The following RAB8A variants were observed in gnomAD, a reference collection of about 807,000 sequenced individuals.
RAB8A encodes the protein ras-related protein Rab-8A.
In RAB8A, 5 loss-of-function variants were observed where a neutral mutation model predicts 29.2. That is an observed-to-expected ratio of 0.17 (90% CI 0.09 to 0.36). RAB8A has a LOEUF of 0.36. Ranked by LOEUF, RAB8A falls within the 10% of genes least tolerant of loss-of-function variation. RAB8A has a pLI of 1.00. For missense variants in RAB8A, 171 were observed against 272.2 expected, an observed-to-expected ratio of 0.63 and a Z score of 2.62; for synonymous variants, 108 against 99.9, an observed-to-expected ratio of 1.08 and a Z score of -0.49.
rs974943868 is a variant in RAB8A at position 16,122,888 on chromosome 19, G to A, written c.246+1078G>A. 6.6e-5 allele frequency among the ~76,000 whole-genome samples: 10 copies of A among 152,162 alleles called. No homozygotes were observed. The highest frequency in any genetic ancestry group is 2.2e-4 in the African/African-American group (9 of 41,430). ...GTGGAGGGTGGGCAGGCGGCCTGAG[G>A]GCACTGGGGTCTTGGGGAGCTTCAG... On this transcript the variant is annotated intron_variant, in intron 3 of 7. Coordinates refer to ENST00000300935, the MANE Select transcript of RAB8A (RefSeq NM_005370.5). This position sits in a 1 kb window ranked among gnomAD's most constrained non-coding sequence, Gnocchi z 4.7.
In RAB8A at chr19:16,128,064, C is replaced by T. The variant is rs1466087687; in HGVS notation, c.453C>T (p.Ser151=). Residue 151 remains serine, a synonymous_variant, in exon 6 of 8, where the codon AGC becomes AGT. Coordinates refer to ENST00000300935, the MANE Select transcript of RAB8A (RefSeq NM_005370.5). The part of the protein sequence containing the change: ...LDYGIKFMET[S]AKANINVENA... ...ATGGAATCAAGTTCATGGAGACCAGCGCGAAGGCCAACATCAATGTGGAAA... is the reference window on the plus strand; with the variant it reads ...ATGGAATCAAGTTCATGGAGACCAGTGCGAAGGCCAACATCAATGTGGAAA... 1.1e-5 allele frequency: 17 copies of T among 1,614,148 alleles called. No individual in the cohort carries two copies. Among genetic ancestry groups the T allele is most frequent in the Admixed American group, 3.3e-5 (2 of 60,016 alleles).
intron 7 of RAB8A, among the ~76,000 whole-genome samples, chr19:16,130,293 C>T (rs1411911104): frequency 6.6e-6 from 1 of 152,134 alleles, no homozygotes; most frequent in East Asian, 1.9e-4. Context: ...CCTCCCTCGC[C>T]CTGGTTCCAG....
chr19:16,129,423 A>G (rs2090915709), intron 6 of RAB8A, 131 bp from the exon 7 acceptor site: 2 of 812,746 alleles, frequency 2.5e-6, no homozygotes, highest in African/African-American at 3.4e-5. Context: ...ACCCACTGCC[A>G]GAGGCGGGCA....
chr19:16,113,385 C>T (rs2090832545), intron 1 of RAB8A, among the ~76,000 whole-genome samples: 1 of 149,654 alleles, frequency 6.7e-6, no homozygotes, highest in South Asian at 2.2e-4. Context: ...CCTCCAGGAG[C>T]TATGCTTTAT....
At chr19:16,112,105 A>G in intron 1 of RAB8A, 80 bp downstream of exon 1, 1 of 1,555,328 alleles carries the variant, frequency 6.4e-7, no homozygotes, top group Non-Finnish European at 8.7e-7. Flanking sequence ...TGAGGGATCT[A>G]CAGGGCTGGA....
chr19:16,118,489 G>A (rs1193498654), intron 2 of RAB8A, among the ~76,000 whole-genome samples: 3 of 152,112 alleles, frequency 2.0e-5, no homozygotes, highest in African/African-American at 7.2e-5. Flanking sequence ...AGGGCACCAG[G>A]GCCTACAGCA....
chr19:16,132,244 A>G lies in RAB8A; in HGVS notation c.564A>G (p.Gly188=). ...EGNSPQGSNQ[G]VKITPDQQKR... is the part of the protein sequence containing the mutation. ...ACAGCCCCCAGGGGAGCAACCAGGG[A>G]GTCAAAATCACACCGGACCAGCAGA... Residue 188 remains glycine (G), a synonymous_variant, in exon 8 of 8, where the codon GGA becomes GGG. Coordinates refer to ENST00000300935, the MANE Select transcript of RAB8A (RefSeq NM_005370.5). The surrounding 1 kb of genome is among the most constrained non-coding windows in gnomAD (Gnocchi z 5.6). 1 of 1,614,126 alleles carries G rather than the reference A, an allele frequency of 6.2e-7. No individual in the cohort carries two copies. Among genetic ancestry groups the G allele is most frequent in the Non-Finnish European group, 8.5e-7 (1 of 1,180,030 alleles).
In RAB8A at chr19:16,126,876, G is replaced by T. The variant is rs2090904158; in HGVS notation, c.325-561G>T. 2.0e-5 allele frequency: 3 copies of T among 152,308 alleles called. No homozygotes were observed. The South Asian group carries it at 6.2e-4, about 32-fold the overall frequency. The allele number at this position is 152,308 out of a possible 1,614,324, so 9.4% of individuals were successfully genotyped here. ...TAGCCTGGTATGGTGGCAGATGCCTGTAATCTCAGCTATTCGGGAGGTTGA... is the reference window on the plus strand; with the variant it reads ...TAGCCTGGTATGGTGGCAGATGCCTTTAATCTCAGCTATTCGGGAGGTTGA... On this transcript the variant is annotated intron_variant, in intron 4 of 7. Coordinates refer to ENST00000300935, the MANE Select transcript of RAB8A (RefSeq NM_005370.5).
intron 1 of RAB8A, among the ~76,000 whole-genome samples, chr19:16,114,503 A>C (rs2090838127): frequency 6.7e-6 from 1 of 150,112 alleles, no homozygotes; most frequent in African/African-American, 2.5e-5. Context: ...CAGCCTCCCA[A>C]GTAGCTGGGA....
rs2090893740 is a variant in RAB8A at position 16,125,187 on chromosome 19, C to T, written c.247-283C>T. The stretch of plus-strand genomic sequence containing the variant: ...CATGAGGGGAGCCAGCCGGGCTTGT[C>T]AGCGAGTGCGTGGCAGGGGCTGGCC... On this transcript the variant is annotated intron_variant, in intron 3 of 7. Coordinates refer to ENST00000300935, the MANE Select transcript of RAB8A (RefSeq NM_005370.5). The surrounding 1 kb of genome is among the most constrained non-coding windows in gnomAD (Gnocchi z 5.0). 1 of 519,748 alleles carries T rather than the reference C, an allele frequency of 1.9e-6. No individual in the cohort carries two copies. Among genetic ancestry groups the T allele is most frequent in the Admixed American group, 3.2e-5 (1 of 31,522 alleles). The allele number at this position is 519,748 out of a possible 1,614,324, so 32.2% of individuals were successfully genotyped here. A position where few individuals can be genotyped will look rare whatever the true frequency, so the allele number is the denominator to read the frequency against.
Position 16,128,388 on chromosome 19 carries a change from C to A in RAB8A, c.480+297C>A, listed in dbSNP as rs549730827. Among the ~76,000 whole-genome samples, 241 of 152,288 alleles carry A rather than the reference C, an allele frequency of 1.6e-3. 1 individual carries two copies. The highest frequency in any genetic ancestry group is 4.7e-3 in the African/African-American group (197 of 41,566). On this transcript the variant is annotated intron_variant, in intron 6 of 7. Coordinates refer to ENST00000300935, the MANE Select transcript of RAB8A (RefSeq NM_005370.5). ...GGTTTTACAGGTGAGGAAACTAAGG[C>A]TCAGAAAGACCCAGCTCTGTGTTTA...
rs1480186949 is a variant in RAB8A, at chr19:16,125,753, C to G, written c.324+206C>G. 3 of 679,880 alleles carry G rather than the reference C, an allele frequency of 4.4e-6. No individual in the cohort carries two copies. In the African/African-American group the frequency reaches 5.3e-5, roughly 12 times the overall value. The allele number at this position is 679,880 out of a possible 1,614,324, so 42.1% of individuals were successfully genotyped here. On this transcript the variant is annotated intron_variant, in intron 4 of 7. Transcript: ENST00000300935. This position sits in a 1 kb window ranked among gnomAD's most constrained non-coding sequence, Gnocchi z 5.0. ...ACTGGCCTGGCCCCACCCCGGAGCC[C>G]CTCGGAGCCCATCCCTCCAGCTAGG...
At chr19:16,121,905 G>A in intron 3 of RAB8A, 95 bp downstream of exon 3, 1 of 1,278,298 alleles carries the variant, frequency 7.8e-7, no homozygotes, top group East Asian at 2.3e-5. Flanking sequence ...TGTTTCTGTG[G>A]AGCCCGTGCC....
Position 16,127,067 on chromosome 19 carries a change from G to A in RAB8A, c.325-370G>A, listed in dbSNP as rs757984708. On this transcript the variant is annotated intron_variant, in intron 4 of 7. Coordinates refer to ENST00000300935, the MANE Select transcript of RAB8A (RefSeq NM_005370.5). This position sits in a 1 kb window ranked among gnomAD's most constrained non-coding sequence, Gnocchi z 4.8. ...TGGGGCCTCTTGCAGAGGAGCCAGG[G>A]AGGGAAGGAGGAAAGCCAAGGTCGG... The A allele has an allele frequency of 3.2e-4, 53 of 167,014 alleles. No homozygotes were observed. Among genetic ancestry groups the A allele is most frequent in the Non-Finnish European group, 3.3e-4 (26 of 77,936 alleles). 10.3% of individuals were successfully genotyped at this position (167,014 alleles called of 1,614,324 possible). A position where few individuals can be genotyped will look rare whatever the true frequency, so the allele number is the denominator to read the frequency against.
chr19:16,118,699 TAAAGGTCC>T, intron 2 of RAB8A, among the ~76,000 whole-genome samples: 1 of 152,268 alleles, frequency 6.6e-6, no homozygotes, highest in Admixed American at 6.5e-5. Context: ...CTCAGAAGCA[TAAAGGTCC>T]AACTTCACTT....
intron 1 of RAB8A, chr19:16,112,704 T>C (rs1257935784): frequency 4.6e-5 from 7 of 152,906 alleles, no homozygotes; most frequent in Admixed American, 4.6e-4. Context: ...CTAATGCACC[T>C]TGGAGCCGGG....
At chr19:16,115,093 A>G (rs1448318062) in intron 1 of RAB8A, among the ~76,000 whole-genome samples, 1 of 152,178 alleles carries the variant, frequency 6.6e-6, no homozygotes, top group Admixed American at 6.5e-5. Flanking sequence ...TGGGCTGTCT[A>G]GTCCTGAAGC....
chr19:16,129,655 A>T, intron 7 of RAB8A, 51 bp downstream of exon 7: 1 of 1,574,602 alleles, frequency 6.4e-7, no homozygotes. Flanking sequence ...GGATCCAGCC[A>T]TCGTCGTTAG....
rs1377553824 is a variant in RAB8A, at chr19:16,125,678, A to AT, written c.324+132dup. On this transcript the variant is annotated intron_variant, in intron 4 of 7. Transcript: ENST00000300935. The surrounding 1 kb of genome is among the most constrained non-coding windows in gnomAD (Gnocchi z 5.0). The stretch of plus-strand genomic sequence containing the variant: ...TGCCCACAGCCTCCTAGTCAGGGAC[A>AT]TGGTGGGAGCAGGGACTGAGATGCA... The AT allele has an allele frequency of 1.1e-6, 1 of 887,404 alleles. No homozygotes were observed. The allele number at this position is 887,404 out of a possible 1,614,324, so 55.0% of individuals were successfully genotyped here.
Sources: gnomAD v4.1 joint callset for allele counts (sites outside exome capture counted in the v4.1 genomes callset) on GRCh38, gnomAD v4.1.1 for gene constraint, Gnocchi (gnomAD v3.1) non-coding constraint, MANE v1.5 for transcripts, NCBI Gene and HGNC (gene_info 2026-07-23, HGNC 2026-07-21) for gene names.